The following CRLF2 variants were observed in gnomAD, a reference collection of about 807,000 sequenced individuals.
CRLF2 encodes the protein cytokine receptor-like factor 2.
In CRLF2, 41 loss-of-function variants were observed where a neutral mutation model predicts 38.7. The ratio of observed to expected loss-of-function variants is 1.06; its 90% CI spans 0.83 to 1.37. CRLF2 has a LOEUF of 1.37. Among genes scored for constraint, CRLF2 ranks in the 40% most tolerant of loss-of-function variants. CRLF2 has a pLI of 0.00. For synonymous variants in CRLF2, 140 were observed against 128.8 expected, an observed-to-expected ratio of 1.09 and a Z score of -0.59; for missense variants, 377 against 322.2, an observed-to-expected ratio of 1.17 and a Z score of -1.30.
chrX:1,202,738 T>A (rs1238852159), intron 3 of CRLF2, among the ~76,000 whole-genome samples: 1 of 152,030 alleles, frequency 6.6e-6, no homozygotes, highest in Non-Finnish European at 1.5e-5. Context: ...GAAGGAACTC[T>A]CTAAAATTCT....
chrX:1,206,199 G>A (rs756363914), intron 3 of CRLF2, among the ~76,000 whole-genome samples: 39 of 152,224 alleles, frequency 2.6e-4, no homozygotes, highest in African/African-American at 8.9e-4. Context: ...ACTATGCTGA[G>A]CTTCCTTTTC....
intron 1 of CRLF2, among the ~76,000 whole-genome samples, chrX:1,211,136 G>T (rs1157178253): frequency 4.0e-5 from 6 of 150,134 alleles, no homozygotes; most frequent in Non-Finnish European, 5.9e-5. Context: ...TGAGTCAGTG[G>T]ATAAATAAAT....
rs2086425626 is a variant in CRLF2 at position 1,193,295 on chromosome X, T to C, written c.775A>G (p.Lys259Glu). Residue 259 changes from lysine (K) to glutamate (E), a missense_variant, in exon 7 of 8, where the codon AAG (lysine) becomes GAG (glutamate). Coordinates refer to ENST00000400841, the MANE Select transcript of CRLF2 (RefSeq NM_022148.4). The part of the protein sequence containing the change: ...LSLWKLWRVK[K>E]FLIPSVPDPK... The stretch of plus-strand genomic sequence containing the variant: ...TCTGGCACGCTGGGAATGAGAAACT[T>C]CTTCACTCTGAAATAGAGACGGAGA... 5.0e-6 allele frequency: 2 copies of C among 398,448 alleles called. No individual in the cohort carries two copies. The highest frequency in any genetic ancestry group is 1.3e-4 in the South Asian group (1 of 7,850). 24.7% of individuals were successfully genotyped at this position (398,448 alleles called of 1,614,324 possible).
At chrX:1,196,175 C>G (rs2086471069) in intron 6 of CRLF2, among the ~76,000 whole-genome samples, 2 of 135,818 alleles carry the variant, frequency 1.5e-5, no homozygotes, top group African/African-American at 2.9e-5. Flanking sequence ...GCCACCACAC[C>G]CGGCAGGGCT....
intron 6 of CRLF2, among the ~76,000 whole-genome samples, chrX:1,193,639 G>C (rs1269571328): frequency 2.0e-5 from 3 of 151,864 alleles, no homozygotes; most frequent in Non-Finnish European, 4.4e-5. Flanking sequence ...AAAATTAGCC[G>C]GGCGTGGTGG....
chrX:1,202,677 T>A (rs1281852249), intron 3 of CRLF2, 142 bp from the exon 4 acceptor site: 2 of 954,028 alleles, frequency 2.1e-6, no homozygotes, highest in Non-Finnish European at 3.3e-6. Flanking sequence ...CCTCATTACT[T>A]TTATAGGAGA....
intron 5 of CRLF2, among the ~76,000 whole-genome samples, chrX:1,197,586 C>T (rs189448800): frequency 0.011 from 1,647 of 152,026 alleles, 16 homozygotes; most frequent in Non-Finnish European, 0.018. Flanking sequence ...GAGGCCGAGG[C>T]GGGCGGATCA....
Position 1,208,881 on chromosome X carries a change from T to C in CRLF2, c.107A>G (p.Tyr36Cys). ...AAEGVQIQII[Y>C]FNLETVQVTW... is the part of the protein sequence containing the mutation. ...CACCTGCACGGTTTCTAAATTGAAG[T>C]AGATGATCTGAATCTGTACTCCTTC... is the stretch of plus-strand genomic sequence containing the variant. The change falls in exon 2 of 8, where the codon TAC (tyrosine) becomes TGC (cysteine). Residue 36 changes from tyrosine (Y) to cysteine (C), a missense_variant. Physicochemically the swap from Tyr to Cys is radical, Grantham distance 194 (BLOSUM62 -2). Coordinates refer to ENST00000400841, the MANE Select transcript of CRLF2 (RefSeq NM_022148.4). 3 of 1,609,666 alleles carry C rather than the reference T, an allele frequency of 1.9e-6. No homozygotes were observed. Among genetic ancestry groups the C allele is most frequent in the Non-Finnish European group, 2.6e-6 (3 of 1,175,956 alleles).
intron 4 of CRLF2, 36 bp from the exon 5 acceptor site, chrX:1,198,760 CA>C: frequency 1.5e-6 from 2 of 1,378,114 alleles, no homozygotes; most frequent in Non-Finnish European, 2.0e-6. Flanking sequence ...CACACACACA[CA>C]CACACACACA....
intron 3 of CRLF2, among the ~76,000 whole-genome samples, chrX:1,204,377 C>CCT (rs1569471319): frequency 2.7e-5 from 4 of 149,432 alleles, no homozygotes; most frequent in Admixed American, 6.7e-5. Context: ...TACAGGCATG[C>CCT]ACCACCAAGC....
intron 1 of CRLF2, among the ~76,000 whole-genome samples, chrX:1,209,413 G>A (rs77917666): frequency 6.7e-6 from 1 of 149,094 alleles, no homozygotes; most frequent in East Asian, 2.0e-4. Context: ...CTCACTGCAA[G>A]CTCCGCCTCC....
Position 1,190,930 on chromosome X carries a change from A to G in CRLF2, c.1083T>C (p.Phe361=). ...CCACGTAGGAGCGGTCATTCATCAC[A>G]AAGGTGAAGCCCCCGATTGTGACCA... ...GDVVTIGGFT[F]VMNDRSYVAL The change falls in exon 8 of 8, where the codon TTT becomes TTC. Residue 361 remains phenylalanine, a synonymous_variant. Coordinates refer to ENST00000400841, the MANE Select transcript of CRLF2 (RefSeq NM_022148.4). The G allele has an allele frequency of 2.5e-6, 1 of 398,674 alleles. No individual in the cohort carries two copies. Among genetic ancestry groups the G allele is most frequent in the Admixed American group, 4.4e-5 (1 of 22,726 alleles). The allele number at this position is 398,674 out of a possible 1,614,324, so 24.7% of individuals were successfully genotyped here.
chrX:1,196,607 C>A (rs1414088402), intron 6 of CRLF2, among the ~76,000 whole-genome samples, 173 bp downstream of exon 6: 1 of 151,970 alleles, frequency 6.6e-6, no homozygotes, highest in Non-Finnish European at 1.5e-5. Context: ...AGGTGTGAGC[C>A]ACCATGCCCA....
At chrX:1,193,562 G>C (rs2086429933) in intron 6 of CRLF2, among the ~76,000 whole-genome samples, 2 of 151,932 alleles carry the variant, frequency 1.3e-5, no homozygotes, top group African/African-American at 4.8e-5. Flanking sequence ...TGGATCACCT[G>C]AGGTCAGGAG....
intron 7 of CRLF2, among the ~76,000 whole-genome samples, chrX:1,192,176 G>T (rs1429690753): frequency 7.3e-6 from 1 of 136,292 alleles, no homozygotes; most frequent in South Asian, 2.4e-4. Flanking sequence ...CTGCACTCCA[G>T]CCTGGGCGAC....
At chrX:1,211,703 G>A (rs1286937909) in intron 1 of CRLF2, among the ~76,000 whole-genome samples, 1 of 119,876 alleles carries the variant, frequency 8.3e-6, no homozygotes, top group Non-Finnish European at 1.7e-5. Context: ...ATGTATTGGT[G>A]GATGGATGGG....
intron 6 of CRLF2, 75 bp from the exon 7 acceptor site, chrX:1,193,377 G>A (rs2086426940): frequency 2.5e-6 from 1 of 398,296 alleles, no homozygotes; most frequent in Non-Finnish European, 4.4e-6. Flanking sequence ...CACCTACAGG[G>A]CATGGACCCC....
At chrX:1,197,640 G>A (rs1392169556) in intron 5 of CRLF2, among the ~76,000 whole-genome samples, 3 of 151,528 alleles carry the variant, frequency 2.0e-5, no homozygotes, top group Admixed American at 6.6e-5. Flanking sequence ...ATGGGGAAAC[G>A]CCATCCCTAC....
chrX:1,208,536 C>T (rs1161922930), intron 2 of CRLF2, among the ~76,000 whole-genome samples: 2 of 152,006 alleles, frequency 1.3e-5, no homozygotes, highest in Non-Finnish European at 2.9e-5. Flanking sequence ...TCCAGCGTGG[C>T]AACGGAGTGA....
Sources: gnomAD v4.1 joint callset for allele counts (sites outside exome capture counted in the v4.1 genomes callset) on GRCh38, gnomAD v4.1.1 for gene constraint, MANE v1.5 for transcripts, NCBI Gene and HGNC (gene_info 2026-07-23, HGNC 2026-07-21) for gene names.